The following IFT81 variants were observed in gnomAD, a reference collection of about 807,000 sequenced individuals.
IFT81 encodes intraflagellar transport 81.
A neutral mutation model predicts 102.6 loss-of-function variants in IFT81; 72 were observed. The observed-to-expected ratio is 0.70, with a 90% CI of 0.58 to 0.85. The LOEUF (loss-of-function observed/expected upper bound fraction) is 0.85. Ranked by LOEUF, IFT81 falls within the 40% of genes least tolerant of loss-of-function variation. IFT81 has a pLI of 0.00. For synonymous variants in IFT81, 237 were observed against 242.7 expected (o/e 0.98, Z 0.22); for missense variants, 723 against 787.3 (o/e 0.92, Z 0.98).
At position 110,127,376 on chromosome 12, in the gene IFT81, T is replaced by G. The variant is rs1471149880; in HGVS notation, c.-5T>G. 1 of 1,545,740 alleles carries G rather than the reference T, an allele frequency of 6.5e-7. No individual in the cohort carries two copies. Among genetic ancestry groups the G allele is most frequent in the Non-Finnish European group, 8.7e-7 (1 of 1,153,052 alleles). ...ACTCTTTAGTTAAAATTATAAGACC[T>G]AATTATGAGTGATCAAATTAAATTC... On this transcript the variant is annotated 5_prime_UTR_variant, in exon 2 of 19. Transcript: ENST00000242591.
intron 10 of IFT81, 46 bp downstream of exon 10, chr12:110,147,094 T>C: frequency 6.9e-7 from 1 of 1,446,000 alleles, no homozygotes; most frequent in African/African-American, 1.4e-5. Flanking sequence ...GTAAGCATAT[T>C]CATGAACCAC....
At chr12:110,135,214 A>G (rs1273931083) in intron 6 of IFT81, 113 bp from the exon 7 acceptor site, 2 of 739,654 alleles carry the variant, frequency 2.7e-6, no homozygotes, top group Admixed American at 2.7e-5. Context: ...TGTCATCTCT[A>G]GGGAGTACTG....
rs958212742 is a variant in IFT81, at chr12:110,132,562, G to A, written c.445G>A (p.Glu149Lys). ...DTNKQYEELMEAFKTLHKEYE... is the reference protein window; with the variant it reads ...DTNKQYEELMKAFKTLHKEYE... Reference sequence around the variant, plus strand: ...ATTCTTCTAGTATGAAGAGTTAATGGAAGCCTTTAAAACTTTGCATAAAGA... The same window carrying A: ...ATTCTTCTAGTATGAAGAGTTAATGAAAGCCTTTAAAACTTTGCATAAAGA... The change falls in exon 5 of 19, where the codon GAA becomes AAA. Residue 149 changes from glutamate (E) to lysine (K), a missense_variant. Transcript: ENST00000242591. 3.9e-6 allele frequency: 6 copies of A among 1,521,190 alleles called. No homozygotes were observed. In the Admixed American group the frequency reaches 5.3e-5, roughly 13 times the overall value. 94.2% of individuals were successfully genotyped at this position (1,521,190 alleles called of 1,614,324 possible). A position where few individuals can be genotyped will look rare whatever the true frequency, so the allele number is the denominator to read the frequency against.
intron 17 of IFT81, among the ~76,000 whole-genome samples, chr12:110,207,352 G>T (rs560025557): frequency 3.9e-4 from 60 of 152,024 alleles, no homozygotes; most frequent in African/African-American, 1.4e-3. Flanking sequence ...GAGCCACCAC[G>T]CCCTACTGAA....
intron 9 of IFT81, among the ~76,000 whole-genome samples, chr12:110,144,564 G>A (rs1381131841): frequency 6.6e-6 from 1 of 151,594 alleles, no homozygotes; most frequent in Non-Finnish European, 1.5e-5. Context: ...AGACTGGAGT[G>A]CAGTGGTGAG....
rs142530213 is a variant in IFT81 at position 110,145,845 on chromosome 12, C to T, written c.946-1108C>T. Reference sequence around the variant, plus strand: ...TTTGTTTTTGAGATGGAGTCTCACTCTGTCACCCAGGCTGGAGTCCAGTGG... The same window carrying T: ...TTTGTTTTTGAGATGGAGTCTCACTTTGTCACCCAGGCTGGAGTCCAGTGG... On this transcript the variant is annotated intron_variant, in intron 9 of 18. Coordinates refer to ENST00000242591, the MANE Select transcript of IFT81 (RefSeq NM_014055.4). Among the ~76,000 whole-genome samples the T allele has an allele frequency of 4.8e-3, 733 of 152,118 alleles. 4 individuals carry two copies. Among genetic ancestry groups the T allele is most frequent in the African/African-American group, 0.017 (716 of 41,476 alleles).
intron 10 of IFT81, among the ~76,000 whole-genome samples, chr12:110,152,610 G>A (rs1467493473): frequency 6.6e-6 from 1 of 151,580 alleles, no homozygotes; most frequent in Non-Finnish European, 1.5e-5. Flanking sequence ...GTATATTCTG[G>A]ATTTTTTTTT....
At chr12:110,129,211 A>G (rs1442627539) in intron 4 of IFT81, 81 bp downstream of exon 4, 1 of 1,088,258 alleles carries the variant, frequency 9.2e-7, no homozygotes, top group Non-Finnish European at 1.3e-6. Flanking sequence ...CTCTTTTTTT[A>G]TTTGCTGTCT....
At chr12:110,139,866 T>TAAAATAA (rs1477964163) in intron 8 of IFT81, among the ~76,000 whole-genome samples, 52 of 130,072 alleles carry the variant, frequency 4.0e-4, no homozygotes, top group African/African-American at 1.4e-3. Flanking sequence ...TAAAATAAAA[T>TAAAATAA]ATAAAATAAA....
chr12:110,127,455 GT>G lies in IFT81; in HGVS notation c.78del (p.Phe26LeufsTer41). 8.7e-6 allele frequency: 14 copies of G among 1,609,608 alleles called. No homozygotes were observed. Among genetic ancestry groups the G allele is most frequent in the Non-Finnish European group, 1.1e-5 (13 of 1,178,082 alleles). On this transcript the variant is annotated frameshift_variant, in exon 2 of 19. Coordinates refer to ENST00000242591, the MANE Select transcript of IFT81 (RefSeq NM_014055.4). LOFTEE classifies it high-confidence loss of function. ...TTAGGAAGAACTATAATTTAATCAC[GT>G]TTGATTCCTTGGAGCCAATGCAACT... ...PFRKNYNLIT[F>X]DSLEPMQLLQ...
chr12:110,179,245 T>C (rs540011456), intron 11 of IFT81, among the ~76,000 whole-genome samples: 2 of 152,298 alleles, frequency 1.3e-5, no homozygotes, highest in Admixed American at 1.3e-4. Flanking sequence ...AGTAGTCCAA[T>C]GGACTGCTAC....
chr12:110,201,572 A>G (rs1259321087), intron 14 of IFT81, among the ~76,000 whole-genome samples: 2 of 152,014 alleles, frequency 1.3e-5, no homozygotes, highest in Non-Finnish European at 2.9e-5. Context: ...CTGGGACCAC[A>G]GGCACATACC....
At chr12:110,179,857 TA>T (rs1897245489) in intron 11 of IFT81, among the ~76,000 whole-genome samples, 2 of 144,644 alleles carry the variant, frequency 1.4e-5, no homozygotes, top group African/African-American at 5.0e-5. Flanking sequence ...ATATATATAA[TA>T]TATGTACATA....
At chr12:110,173,961 TA>T (rs1219514156) in intron 11 of IFT81, among the ~76,000 whole-genome samples, 100 of 117,298 alleles carry the variant, frequency 8.5e-4, no homozygotes, top group African/African-American at 2.0e-3. Context: ...GAATGATCAA[TA>T]AAAAAAAAAA....
chr12:110,139,364 A>AAAAAGAAAAGGAT (rs1894711158), intron 8 of IFT81, among the ~76,000 whole-genome samples: 1 of 150,720 alleles, frequency 6.6e-6, no homozygotes, highest in Non-Finnish European at 1.5e-5. Context: ...AAGAAAAGGA[A>AAAAAGAAAAGGAT]AAAAGAAAAG....
intron 3 of IFT81, among the ~76,000 whole-genome samples, 153 bp from the exon 4 acceptor site, chr12:110,128,786 CAAAAAAAAAAA>C (rs59756924): frequency 2.9e-5 from 2 of 68,762 alleles, no homozygotes; most frequent in East Asian, 1.2e-3. Flanking sequence ...GACCCTGTCT[CAAAAAAAAAAA>C]AAAAAAAAAA....
At chr12:110,211,873 A>G (rs2137608733) in intron 18 of IFT81, among the ~76,000 whole-genome samples, 1 of 152,300 alleles carries the variant, frequency 6.6e-6, no homozygotes, top group East Asian at 1.9e-4. Flanking sequence ...GTTTTCTTTT[A>G]AAATACTGAC....
At chr12:110,153,257 G>A (rs906334894) in intron 10 of IFT81, among the ~76,000 whole-genome samples, 1 of 152,162 alleles carries the variant, frequency 6.6e-6, no homozygotes, top group Non-Finnish European at 1.5e-5. Context: ...TTTTTGAGAC[G>A]AAGTTTCGCT....
chr12:110,200,307 A>G (rs955474017), intron 14 of IFT81, among the ~76,000 whole-genome samples: 1 of 152,200 alleles, frequency 6.6e-6, no homozygotes, highest in Non-Finnish European at 1.5e-5. Flanking sequence ...TGGTAGATAT[A>G]TTGCTCCTAG....
Sources: allele counts gnomAD v4.1 joint callset (sites outside exome capture counted in the v4.1 genomes callset), GRCh38; gene constraint gnomAD v4.1.1; transcripts MANE v1.5; gene names NCBI Gene and HGNC (gene_info 2026-07-23, HGNC 2026-07-21).